Variants in ERC2 observed in about 807,000 individuals in gnomAD.
The protein encoded by ERC2 is ERC protein 2.
Under a neutral mutation model 114.8 loss-of-function variants are expected in ERC2, and 42 were observed. The observed-to-expected ratio is 0.37, with a 90% CI of 0.29 to 0.47. The LOEUF is 0.47. ERC2 is among the 20% of genes least tolerant of loss of function. The pLI is 0.99. For missense variants in ERC2, 939 were observed against 1,150.7 expected, an observed-to-expected ratio of 0.82 and a Z score of 2.66; for synonymous variants, 454 against 425.5, an observed-to-expected ratio of 1.07 and a Z score of -0.82.
At chr3:56,005,722 A>T (rs978871364) in intron 10 of ERC2, among the ~76,000 whole-genome samples, 19 of 152,074 alleles carry the variant, frequency 1.2e-4, no homozygotes, top group African/African-American at 4.1e-4. Flanking sequence ...CTAAGGTAAA[A>T]TAATGCAGGG....
chr3:56,390,757 T>C (rs2060099220), intron 2 of ERC2, among the ~76,000 whole-genome samples: 1 of 152,158 alleles, frequency 6.6e-6, no homozygotes, highest in Non-Finnish European at 1.5e-5. Flanking sequence ...GTTCACTACC[T>C]GGCCTAATGA....
intron 2 of ERC2, among the ~76,000 whole-genome samples, chr3:56,409,168 G>A (rs535266409): frequency 6.6e-6 from 1 of 152,180 alleles, no homozygotes; most frequent in East Asian, 1.9e-4. Context: ...GCAACCTAGG[G>A]CTTCGCATTG....
chr3:55,949,030 T>C (rs2067308434), intron 13 of ERC2, among the ~76,000 whole-genome samples: 2 of 152,142 alleles, frequency 1.3e-5, no homozygotes, highest in Non-Finnish European at 1.5e-5. Context: ...TACGGAATAA[T>C]ACACCATAGC....
chr3:55,988,366 A>T (rs2070796012), intron 11 of ERC2, among the ~76,000 whole-genome samples: 1 of 152,230 alleles, frequency 6.6e-6, no homozygotes, highest in African/African-American at 2.4e-5. Flanking sequence ...GGGCCGTGCA[A>T]GAGTTTACAG....
rs576748148 is a variant in ERC2 at position 55,690,639 on chromosome 3, GA to G, written c.2848-6781del. Among the ~76,000 whole-genome samples, 489 of 146,510 alleles carry G rather than the reference GA, an allele frequency of 3.3e-3. 1 individual carries two copies. The highest frequency in any genetic ancestry group is 4.5e-3 in the Non-Finnish European group (298 of 66,266). On this transcript the variant is annotated intron_variant, in intron 16 of 17. Transcript: ENST00000288221. Reference sequence around the variant, plus strand: ...GTAAAACCTAGACAAATCAGTAAAAGAAAAAAAAAACACTCTACCCCAAATA... The same window carrying G: ...GTAAAACCTAGACAAATCAGTAAAAGAAAAAAAAACACTCTACCCCAAATA...
At chr3:56,060,404 T>C (rs2076198053) in intron 7 of ERC2, among the ~76,000 whole-genome samples, 1 of 152,260 alleles carries the variant, frequency 6.6e-6, no homozygotes, top group South Asian at 2.1e-4. Flanking sequence ...AAGGTTGTCA[T>C]TAGGATTAAA....
intron 2 of ERC2, among the ~76,000 whole-genome samples, chr3:56,404,768 T>G (rs9864091): frequency 0.99 from 150,739 of 152,094 alleles, 74,706 homozygotes; most frequent in Middle Eastern, 1. Flanking sequence ...TTTTTAAGGG[T>G]CTAATAATCC....
intron 6 of ERC2, among the ~76,000 whole-genome samples, chr3:56,100,283 C>T (rs142332748): frequency 1.0e-3 from 159 of 152,232 alleles, no homozygotes; most frequent in African/African-American, 3.7e-3. Flanking sequence ...TGGCTTAACT[C>T]ACTGTTGGAA....
At chr3:56,290,563 G>T (rs2055017348) in intron 3 of ERC2, among the ~76,000 whole-genome samples, 3 of 152,202 alleles carry the variant, frequency 2.0e-5, no homozygotes, top group African/African-American at 7.2e-5. Context: ...AATTAGAAAT[G>T]CCTGCATCAG....
intron 2 of ERC2, among the ~76,000 whole-genome samples, chr3:56,433,210 G>C (rs1033785956): frequency 6.7e-6 from 1 of 150,172 alleles, no homozygotes; most frequent in Non-Finnish European, 1.5e-5. Flanking sequence ...GAGAGAGAGA[G>C]AGAGCAAGAG....
intron 12 of ERC2, among the ~76,000 whole-genome samples, chr3:55,967,652 T>C (rs2068840734): frequency 6.6e-6 from 1 of 152,190 alleles, no homozygotes. Context: ...TGCTGTGGTT[T>C]AAATGTGTCC....
intron 6 of ERC2, among the ~76,000 whole-genome samples, chr3:56,127,996 A>G (rs112237256): frequency 0.01 from 1,537 of 152,064 alleles, 31 homozygotes; most frequent in African/African-American, 0.035. Flanking sequence ...AAAATGTAAA[A>G]TCCCCGGAGG....
At chr3:56,183,007 T>C (rs909002086) in intron 3 of ERC2, among the ~76,000 whole-genome samples, 2 of 152,208 alleles carry the variant, frequency 1.3e-5, no homozygotes, top group Non-Finnish European at 2.9e-5. Context: ...TTCTCAATCT[T>C]TGACCAATCA....
chr3:56,162,569 C>CT (rs1428973431), intron 4 of ERC2, among the ~76,000 whole-genome samples: 1 of 152,150 alleles, frequency 6.6e-6, no homozygotes, highest in Non-Finnish European at 1.5e-5. Context: ...CAATATTCGT[C>CT]TTTTCCGTGT....
intron 2 of ERC2, among the ~76,000 whole-genome samples, chr3:56,370,505 G>A (rs542068116): frequency 6.6e-6 from 1 of 151,972 alleles, no homozygotes; most frequent in South Asian, 2.1e-4. Flanking sequence ...TGGCCTATGG[G>A]ATTTGTTCTC....
At chr3:55,711,501 T>C (rs2063776085) in intron 15 of ERC2, among the ~76,000 whole-genome samples, 1 of 152,198 alleles carries the variant, frequency 6.6e-6, no homozygotes, top group African/African-American at 2.4e-5. Flanking sequence ...CATAGAGAGC[T>C]TCCTCATCAT....
chr3:55,707,749 G>A (rs1037241391), intron 15 of ERC2, among the ~76,000 whole-genome samples: 5 of 152,198 alleles, frequency 3.3e-5, no homozygotes, highest in African/African-American at 1.2e-4. Context: ...TCAACCCTGC[G>A]ATGCAGGCAG....
chr3:56,386,130 A>G (rs2059925964), intron 2 of ERC2, among the ~76,000 whole-genome samples: 1 of 152,180 alleles, frequency 6.6e-6, no homozygotes. Context: ...TAAAAATTAG[A>G]GATCCAGTGG....
At chr3:55,790,127 G>A (rs982989833) in intron 14 of ERC2, among the ~76,000 whole-genome samples, 1 of 152,102 alleles carries the variant, frequency 6.6e-6, no homozygotes, top group African/African-American at 2.4e-5. Flanking sequence ...TTCCCTGCAG[G>A]ATAAAGTCCA....
Sources: gnomAD v4.1 joint callset for allele counts (sites outside exome capture counted in the v4.1 genomes callset) on GRCh38, gnomAD v4.1.1 for gene constraint, MANE v1.5 for transcripts, NCBI Gene and HGNC (gene_info 2026-07-23, HGNC 2026-07-21) for gene names.